The following AGBL1 variants were observed in gnomAD, a reference collection of about 807,000 sequenced individuals.
AGBL1 encodes the protein AGBL carboxypeptidase 1.
In AGBL1, 130 loss-of-function variants were observed where a neutral mutation model predicts 118.9. That is an observed-to-expected ratio of 1.09 (90% CI 0.95 to 1.26). The LOEUF (loss-of-function observed/expected upper bound fraction) is 1.26. Among genes scored for constraint, AGBL1 ranks in the 50% most tolerant of loss-of-function variants. AGBL1 has a pLI of 0.00. For missense variants in AGBL1, 1,584 were observed against 1,298.1 expected, an observed-to-expected ratio of 1.22 and a Z score of -3.38; for synonymous variants, 555 against 478.9, an observed-to-expected ratio of 1.16 and a Z score of -2.08.
chr15:86,487,019 G>A (rs114088185), intron 18 of AGBL1, among the ~76,000 whole-genome samples: 108 of 152,066 alleles, frequency 7.1e-4, no homozygotes, highest in Non-Finnish European at 1.1e-3. Context: ...CAACGGTGCC[G>A]CACGCTCCTT....
chr15:86,472,372 GA>G (rs1310901256), intron 18 of AGBL1, among the ~76,000 whole-genome samples: 3 of 152,066 alleles, frequency 2.0e-5, no homozygotes, highest in African/African-American at 7.2e-5. Context: ...TATCCTCTCC[GA>G]CATCTGATTG....
At chr15:86,825,387 T>TAAAAAAA (rs869042604) in intron 22 of AGBL1, among the ~76,000 whole-genome samples, 3 of 11,148 alleles carry the variant, frequency 2.7e-4, no homozygotes, top group Non-Finnish European at 4.0e-4. Flanking sequence ...GTAGAAACTG[T>TAAAAAAA]AAAAAAAAAA....
chr15:86,290,743 G>A (rs913568619), intron 16 of AGBL1, among the ~76,000 whole-genome samples: 38 of 151,772 alleles, frequency 2.5e-4, no homozygotes, highest in African/African-American at 8.7e-4. Flanking sequence ...ACAGTGTGCA[G>A]GTTAGTTACA....
intron 23 of AGBL1, among the ~76,000 whole-genome samples, chr15:86,965,334 T>C (rs935998932): frequency 3.3e-5 from 5 of 152,148 alleles, no homozygotes; most frequent in African/African-American, 9.7e-5. Context: ...CTAACTGGTG[T>C]GAGATGGTAT....
At chr15:86,172,078 T>G (rs942351764) in intron 5 of AGBL1, among the ~76,000 whole-genome samples, 1 of 152,066 alleles carries the variant, frequency 6.6e-6, no homozygotes, top group African/African-American at 2.4e-5. Context: ...AGACTACGCA[T>G]TGGGTACAGT....
At chr15:86,745,874 A>G (rs1357687215) in intron 22 of AGBL1, among the ~76,000 whole-genome samples, 1 of 152,044 alleles carries the variant, frequency 6.6e-6, no homozygotes, top group Non-Finnish European at 1.5e-5. Context: ...GCTGTCAGCA[A>G]TAGATTTGGG....
chr15:86,730,642 C>T lies in AGBL1; in HGVS notation c.3158+56206C>T, dbSNP rs893215765. Among the ~76,000 whole-genome samples, 7 of 152,146 alleles carry T rather than the reference C, an allele frequency of 4.6e-5. No individual in the cohort carries two copies. In the East Asian group the frequency reaches 1.2e-3, roughly 25 times the overall value. ...GCCTTGACTATGTGTCCCCATGTTT[C>T]TGGACATGAAATTCTTCATTTGTCA... On this transcript the variant is annotated intron_variant, in intron 22 of 22. Coordinates refer to ENST00000614907, the MANE Select transcript of AGBL1 (RefSeq NM_001386094.1).
intron 19 of AGBL1, among the ~76,000 whole-genome samples, chr15:86,523,193 G>T (rs2083213382): frequency 6.6e-6 from 1 of 152,164 alleles, no homozygotes; most frequent in South Asian, 2.1e-4. Context: ...GTGTTGGCAG[G>T]ATCATGCCCA....
chr15:86,746,382 C>G (rs928897270), intron 22 of AGBL1, among the ~76,000 whole-genome samples: 1 of 152,038 alleles, frequency 6.6e-6, no homozygotes, highest in African/African-American at 2.4e-5. Flanking sequence ...ATGTCTGGCC[C>G]AAGTCCTGGT....
At chr15:86,713,149 C>G (rs2086586810) in intron 22 of AGBL1, among the ~76,000 whole-genome samples, 1 of 152,124 alleles carries the variant, frequency 6.6e-6, no homozygotes, top group South Asian at 2.1e-4. Flanking sequence ...TGCCCTTTCC[C>G]TTTCTCCTTT....
chr15:86,482,944 C>T (rs1016885070), intron 18 of AGBL1, among the ~76,000 whole-genome samples: 6 of 151,914 alleles, frequency 3.9e-5, no homozygotes, highest in African/African-American at 1.4e-4. Context: ...TGCAGGGGGG[C>T]CATTCTGACA....
At chr15:86,525,534 G>A (rs2083251545) in intron 19 of AGBL1, among the ~76,000 whole-genome samples, 1 of 152,050 alleles carries the variant, frequency 6.6e-6, no homozygotes, top group Non-Finnish European at 1.5e-5. Context: ...ATAAAAGTAG[G>A]CACATAGACC....
At chr15:86,905,126 G>A (rs181337585) in intron 22 of AGBL1, among the ~76,000 whole-genome samples, 1 of 152,216 alleles carries the variant, frequency 6.6e-6, no homozygotes, top group African/African-American at 2.4e-5. Context: ...GGGGTTGGCA[G>A]ACGGTTTTAG....
chr15:86,128,069 C>T (rs1011729412), intron 1 of AGBL1, among the ~76,000 whole-genome samples: 1 of 152,130 alleles, frequency 6.6e-6, no homozygotes, highest in East Asian at 1.9e-4. Context: ...GTATACCTTA[C>T]AAACTTGTCT....
intron 6 of AGBL1, among the ~76,000 whole-genome samples, chr15:86,230,649 A>C (rs367765770): frequency 6.6e-6 from 1 of 152,218 alleles, no homozygotes; most frequent in African/African-American, 2.4e-5. Flanking sequence ...GACTACGAGA[A>C]CTGGAAAACA....
chr15:86,336,358 A>G lies in AGBL1; in HGVS notation c.2374+40950A>G, dbSNP rs75173234. ...GTCATCACTCTCTGTAACTTGCAAG[A>G]GACGCCCCTGAGGTTTCGCTGATTC... On this transcript the variant is annotated intron_variant, in intron 17 of 22. Transcript: ENST00000614907. 9.0e-3 allele frequency among the ~76,000 whole-genome samples: 1,374 copies of G among 152,352 alleles called. 25 individuals are homozygous for G. Among genetic ancestry groups the G allele is most frequent in the African/African-American group, 0.031 (1,307 of 41,574 alleles).
chr15:86,085,969 C>A (rs1214173475), intron 1 of AGBL1, among the ~76,000 whole-genome samples: 3 of 152,186 alleles, frequency 2.0e-5, no homozygotes, highest in Admixed American at 1.3e-4. Context: ...ATCTGTCTCC[C>A]TGAACACCCA....
At chr15:86,459,524 G>A (rs951255271) in intron 18 of AGBL1, among the ~76,000 whole-genome samples, 3 of 152,102 alleles carry the variant, frequency 2.0e-5, no homozygotes, top group African/African-American at 4.8e-5. Flanking sequence ...TTTATAAATA[G>A]TTTGGGTGAA....
At chr15:86,080,300 A>G in intron 1 of AGBL1, 3 of 299,700 alleles carry the variant, frequency 1.0e-5, no homozygotes, top group Non-Finnish European at 1.8e-5. Flanking sequence ...TAGAAATGGG[A>G]AAGGTGGAGA....
Sources: gnomAD v4.1 joint callset for allele counts (sites outside exome capture counted in the v4.1 genomes callset) on GRCh38, gnomAD v4.1.1 for gene constraint, MANE v1.5 for transcripts, NCBI Gene and HGNC (gene_info 2026-07-23, HGNC 2026-07-21) for gene names.